KALRN: variants seen among roughly 807,000 people sequenced by gnomAD.
The protein encoded by KALRN is kalirin.
KALRN carries 70 observed loss-of-function variants against 353.7 expected under a neutral mutation model. The observed-to-expected ratio is 0.20, with a 90% CI of 0.16 to 0.24. The LOEUF is 0.24. Ranked by LOEUF, KALRN falls within the 10% of genes least tolerant of loss-of-function variation. The probability of loss-of-function intolerance (pLI) is 1.00; values close to 1 mark genes in which losing one functional copy is unlikely to be tolerated. For missense variants in KALRN, 2,791 were observed against 3,756.7 expected (o/e 0.74, Z 6.72); for synonymous variants, 1,391 against 1,434.8 (o/e 0.97, Z 0.69).
intron 1 of KALRN, among the ~76,000 whole-genome samples, chr3:124,171,199 G>A (rs188839599): frequency 6.6e-6 from 1 of 152,216 alleles, no homozygotes. Flanking sequence ...TAGGCTCCAA[G>A]GTTTAGTGGA....
chr3:124,327,895 T>C (rs925380050), intron 7 of KALRN, among the ~76,000 whole-genome samples: 1 of 152,212 alleles, frequency 6.6e-6, no homozygotes, highest in Non-Finnish European at 1.5e-5. Context: ...AGCTCCACCA[T>C]TCATTCACCC....
At chr3:124,628,742 ATT>A (rs58523719) in intron 34 of KALRN, among the ~76,000 whole-genome samples, 105 of 100,108 alleles carry the variant, frequency 1.0e-3, no homozygotes, top group African/African-American at 4.3e-3. Flanking sequence ...CACCTGGCTA[ATT>A]TTTTTTTTTT....
intron 34 of KALRN, among the ~76,000 whole-genome samples, chr3:124,582,087 C>G (rs930183914): frequency 2.0e-5 from 3 of 148,616 alleles, no homozygotes; most frequent in Non-Finnish European, 4.4e-5. Flanking sequence ...ATGGTGCGAT[C>G]TCCGCTCACT....
rs2063329845 is a variant in KALRN, at chr3:124,720,332, G to A, written c.*862G>A. 6.6e-6 allele frequency: 1 copy of A among 152,576 alleles called. No individual in the cohort carries two copies. The highest frequency in any genetic ancestry group is 1.5e-5 in the Non-Finnish European group (1 of 68,042). The allele number at this position is 152,576 out of a possible 1,614,324, so 9.5% of individuals were successfully genotyped here. A position where few individuals can be genotyped will look rare whatever the true frequency, so the allele number is the denominator to read the frequency against. ...AAATTCAAATACAGTATGAGCTGCG[G>A]GGATATTTTTGTGTCTACACCAGGT... On this transcript the variant is annotated 3_prime_UTR_variant, in exon 60 of 60. Transcript: ENST00000682506.
At position 124,152,270 on chromosome 3, in the gene KALRN, A is replaced by G. The variant is rs2332811; in HGVS notation, c.74-75720A>G. 4.6e-5 allele frequency: 63 copies of G among 1,355,412 alleles called. 1 individual carries two copies. Among genetic ancestry groups the G allele is most frequent in the Middle Eastern group, 2.2e-4 (1 of 4,626 alleles). The allele number at this position is 1,355,412 out of a possible 1,614,324, so 84.0% of individuals were successfully genotyped here. ...ACTGACTTCAGATTTGGGTACCCCT[A>G]TGCAATATATGGTTCTACAGTCCTC... On this transcript the variant is annotated intron_variant, in intron 1 of 59. Transcript: ENST00000682506.
intron 33 of KALRN, among the ~76,000 whole-genome samples, chr3:124,558,524 C>T (rs2071553780): frequency 6.6e-6 from 1 of 152,242 alleles, no homozygotes; most frequent in Non-Finnish European, 1.5e-5. Context: ...AGTGATCCAC[C>T]GCCCTCGGCC....
At chr3:124,357,518 G>A (rs2083555236) in intron 10 of KALRN, among the ~76,000 whole-genome samples, 1 of 152,054 alleles carries the variant, frequency 6.6e-6, no homozygotes, top group Non-Finnish European at 1.5e-5. Flanking sequence ...TTGTATTCCT[G>A]TTGTCCTGGA....
chr3:124,135,795 C>A (rs945043090), intron 1 of KALRN, among the ~76,000 whole-genome samples: 22 of 151,744 alleles, frequency 1.4e-4, no homozygotes, highest in Admixed American at 3.9e-4. Context: ...ACACAGCAGC[C>A]CAGCTGCTCA....
intron 6 of KALRN, among the ~76,000 whole-genome samples, chr3:124,302,842 C>CT (rs1268099751): frequency 4.5e-5 from 1 of 22,118 alleles, no homozygotes; most frequent in East Asian, 3.6e-3. Flanking sequence ...TGAGCACACA[C>CT]CCTGGTATCT....
At chr3:124,132,804 G>A (rs1421279475) in intron 1 of KALRN, 1 of 153,066 alleles carries the variant, frequency 6.5e-6, no homozygotes, top group African/African-American at 2.4e-5. Flanking sequence ...GTCAGAGGCA[G>A]GGAACTAGAC....
At chr3:124,618,292 T>G (rs1323901058) in intron 34 of KALRN, among the ~76,000 whole-genome samples, 1 of 150,612 alleles carries the variant, frequency 6.6e-6, no homozygotes, top group East Asian at 2.0e-4. Context: ...TTTTTTTGTA[T>G]TTTTAGTAGA....
intron 10 of KALRN, among the ~76,000 whole-genome samples, chr3:124,361,324 AG>A (rs1337351217): frequency 6.6e-6 from 1 of 152,258 alleles, no homozygotes; most frequent in Non-Finnish European, 1.5e-5. Context: ...ACAAGCAAAA[AG>A]AAACAGAAAT....
chr3:124,585,358 C>T (rs1178354915), intron 34 of KALRN, among the ~76,000 whole-genome samples: 1 of 152,208 alleles, frequency 6.6e-6, no homozygotes. Context: ...CCTGTCTGTA[C>T]ACCAGGAACT....
chr3:124,087,867 C>T (rs975685240), intron 1 of KALRN, among the ~76,000 whole-genome samples: 2 of 152,044 alleles, frequency 1.3e-5, no homozygotes, highest in Non-Finnish European at 2.9e-5. Context: ...TATTTTGAAA[C>T]GTCTTTTAAA....
intron 1 of KALRN, among the ~76,000 whole-genome samples, chr3:124,084,390 C>A (rs1559920778): frequency 6.6e-6 from 1 of 152,224 alleles, no homozygotes; most frequent in East Asian, 1.9e-4. Flanking sequence ...TTCAGTATGA[C>A]CACTTCCTCT....
intron 34 of KALRN, among the ~76,000 whole-genome samples, chr3:124,597,678 T>G (rs2076397304): frequency 6.6e-6 from 1 of 152,218 alleles, no homozygotes; most frequent in Admixed American, 6.5e-5. Context: ...ATGAGGCCAG[T>G]CCAAATTGAG....
intron 10 of KALRN, among the ~76,000 whole-genome samples, chr3:124,373,483 C>T (rs1043819498): frequency 3.3e-5 from 5 of 152,190 alleles, no homozygotes; most frequent in Non-Finnish European, 7.3e-5. Flanking sequence ...ATTAAAACAG[C>T]AGAAATTTAT....
chr3:124,595,857 G>A (rs542383241), intron 34 of KALRN, among the ~76,000 whole-genome samples: 11 of 152,248 alleles, frequency 7.2e-5, no homozygotes, highest in African/African-American at 9.6e-5. Flanking sequence ...TATAATAAGC[G>A]AATGCCTTTA....
chr3:124,554,410 G>T (rs1473939140), intron 33 of KALRN, among the ~76,000 whole-genome samples: 1 of 152,112 alleles, frequency 6.6e-6, no homozygotes, highest in African/African-American at 2.4e-5. Flanking sequence ...CAGGGTTGTT[G>T]TTCCATTTTC....
Sources: gnomAD v4.1 joint callset for allele counts (sites outside exome capture counted in the v4.1 genomes callset) on GRCh38, gnomAD v4.1.1 for gene constraint, MANE v1.5 for transcripts, NCBI Gene and HGNC (gene_info 2026-07-23, HGNC 2026-07-21) for gene names.